The following ELK1 variants were observed in gnomAD, a reference collection of about 807,000 sequenced individuals.
The protein encoded by ELK1 is ETS domain-containing protein Elk-1.
For synonymous variants in ELK1, 163 were observed against 176.3 expected (o/e 0.92, Z 0.60); for missense variants, 254 against 381.5 (o/e 0.67, Z 2.78).
chrX:47,637,561 C>T (rs893656351), intron 5 of ELK1, among the ~76,000 whole-genome samples, 190 bp downstream of exon 5: 3 of 111,168 alleles, frequency 2.7e-5, no homozygotes, highest in African/African-American at 9.8e-5. Flanking sequence ...CACAAAAGTC[C>T]CCAGCCCTGC....
At chrX:47,645,327 A>G (rs1313734843) in intron 2 of ELK1, among the ~76,000 whole-genome samples, 1 of 111,830 alleles carries the variant, frequency 8.9e-6, no homozygotes, top group African/African-American at 3.3e-5. Flanking sequence ...TCCTCAAACC[A>G]CCGTTAAAGG....
intron 2 of ELK1, among the ~76,000 whole-genome samples, chrX:47,642,996 T>C (rs2058033326): frequency 8.9e-6 from 1 of 112,869 alleles, no homozygotes; most frequent in African/African-American, 3.2e-5. Flanking sequence ...AGAGGCAATA[T>C]GGCCTGCTGG....
intron 2 of ELK1, among the ~76,000 whole-genome samples, chrX:47,647,893 G>A (rs775020266): frequency 8.9e-6 from 1 of 112,408 alleles, no homozygotes; most frequent in Non-Finnish European, 1.9e-5. Context: ...GCCCTGCTGG[G>A]TGTGCAGCTT....
intron 3 of ELK1, among the ~76,000 whole-genome samples, chrX:47,640,925 T>C (rs372736383): frequency 1.8e-5 from 2 of 111,541 alleles, no homozygotes; most frequent in South Asian, 3.7e-4. Context: ...ATGTTGGCTA[T>C]AGGAATACGG....
intron 2 of ELK1, among the ~76,000 whole-genome samples, chrX:47,644,581 G>A (rs1392292392): frequency 1.8e-5 from 2 of 110,609 alleles, no homozygotes; most frequent in Admixed American, 9.7e-5. Flanking sequence ...GAGAGTAGTC[G>A]CCAAGGAGGG....
At chrX:47,646,703 G>C (rs977476484) in intron 2 of ELK1, among the ~76,000 whole-genome samples, 3 of 112,524 alleles carry the variant, frequency 2.7e-5, no homozygotes, top group African/African-American at 9.7e-5. Flanking sequence ...TATTTGAACA[G>C]AAAAGTGCCT....
chrX:47,639,084 G>C lies in ELK1; in HGVS notation c.465C>G (p.Arg155=), dbSNP rs139767774. The C allele has an allele frequency of 1.2e-4, 146 of 1,200,454 alleles. No homozygotes were observed. The highest frequency in any genetic ancestry group is 2.4e-4 in the Middle Eastern group (1 of 4,158). The change falls in exon 4 of 7, where the codon CGC becomes CGG. Residue 155 remains arginine (R), a synonymous_variant. Coordinates refer to ENST00000376983, the MANE Select transcript of ELK1 (RefSeq NM_001114123.3). ...LARSSRNEYM[R]SGLYSTFTIQ... Reference sequence around the variant, plus strand: ...TGGTGAAGGTGGAATAGAGGCCCGAGCGCATGTACTCGTTCCGGCTGCTGC... The same window carrying C: ...TGGTGAAGGTGGAATAGAGGCCCGACCGCATGTACTCGTTCCGGCTGCTGC...
At chrX:47,642,602 CT>C (rs1297945676) in intron 2 of ELK1, among the ~76,000 whole-genome samples, 5 of 89,351 alleles carry the variant, frequency 5.6e-5, no homozygotes, top group African/African-American at 8.2e-5. Flanking sequence ...TTTTTTTTTT[CT>C]TTTTTTTTGA....
intron 2 of ELK1, among the ~76,000 whole-genome samples, chrX:47,647,093 C>T (rs1485186191): frequency 9.0e-6 from 1 of 111,324 alleles, no homozygotes; most frequent in Non-Finnish European, 1.9e-5. Context: ...TATTTCTTCT[C>T]AGCATTTGTC....
chrX:47,638,698 T>G (rs1236864152), intron 4 of ELK1, among the ~76,000 whole-genome samples, 197 bp downstream of exon 4: 2 of 112,056 alleles, frequency 1.8e-5, no homozygotes. Flanking sequence ...TGTAGCACAG[T>G]ATTCTCCCCT....
intron 3 of ELK1, 83 bp downstream of exon 3, chrX:47,641,149 C>T: frequency 9.3e-7 from 1 of 1,079,293 alleles, no homozygotes; most frequent in Non-Finnish European, 1.3e-6. Flanking sequence ...CTTTCAAAGT[C>T]ATAGCTATGG....
chrX:47,637,653 A>C lies in ELK1; in HGVS notation c.1086+98T>G, dbSNP rs890364099. ...AAAGGCTCCACCCTCTTCAGGAACAACCACACTCACCCTCCTCTGATTCCT... is the reference window on the plus strand; with the variant it reads ...AAAGGCTCCACCCTCTTCAGGAACACCCACACTCACCCTCCTCTGATTCCT... On this transcript the variant is annotated intron_variant, in intron 5 of 6. Transcript: ENST00000376983. 3.9e-6 allele frequency: 4 copies of C among 1,017,863 alleles called. No homozygotes were observed. The African/African-American group carries it at 7.6e-5, about 19-fold the overall frequency. The allele number at this position is 1,017,863 out of a possible 1,213,427, so 83.9% of individuals were successfully genotyped here. A position where few individuals can be genotyped will look rare whatever the true frequency, so the allele number is the denominator to read the frequency against.
intron 5 of ELK1, among the ~76,000 whole-genome samples, 196 bp downstream of exon 5, chrX:47,637,555 A>G (rs766658629): frequency 2.3e-4 from 25 of 110,604 alleles, no homozygotes; most frequent in African/African-American, 7.6e-4. Context: ...CCCACCCACA[A>G]AAGTCCCCAG....
rs1251256386 is a variant in ELK1 at position 47,639,109 on chromosome X, C to T, written c.440G>A (p.Arg147His). 3.3e-6 allele frequency: 4 copies of T among 1,201,147 alleles called. No individual in the cohort carries two copies. Among genetic ancestry groups the T allele is most frequent in the African/African-American group, 1.7e-5 (1 of 57,743 alleles). The change falls in exon 4 of 7, where the codon CGC (arginine) becomes CAC (histidine). Residue 147 changes from arginine to histidine, a missense_variant. By Grantham distance (29) the Arg-to-His change is conservative. Transcript: ENST00000376983. Reference sequence around the variant, plus strand: ...GCGCATGTACTCGTTCCGGCTGCTGCGTGCCAAACCGCCTGGGCCTGCCAT... The same window carrying T: ...GCGCATGTACTCGTTCCGGCTGCTGTGTGCCAAACCGCCTGGGCCTGCCAT... ...AGMAGPGGLA[R>H]SSRNEYMRSG...
chrX:47,650,233 G>C (rs1476354483), intron 1 of ELK1, among the ~76,000 whole-genome samples, 190 bp downstream of exon 1: 1 of 111,169 alleles, frequency 9.0e-6, no homozygotes, highest in Non-Finnish European at 1.9e-5. Flanking sequence ...GGGAGGTTAG[G>C]CCACGGTCAG....
intron 3 of ELK1, among the ~76,000 whole-genome samples, chrX:47,639,686 AT>A (rs1255316024): frequency 9.0e-6 from 1 of 110,810 alleles, no homozygotes; most frequent in Non-Finnish European, 1.9e-5. Context: ...CGTCTATCTG[AT>A]TTTCCCACTC....
At chrX:47,638,334 A>C in intron 4 of ELK1, 152 bp from the exon 5 acceptor site, 1 of 736,096 alleles carries the variant, frequency 1.4e-6, no homozygotes, top group Admixed American at 3.1e-5. Context: ...AGGACATAGG[A>C]CTTCGTCAAG....
rs866250043 is a variant in ELK1, at chrX:47,638,921, C to A, written c.628G>T (p.Ala210Ser). The part of the protein sequence containing the change: ...SPSPLEACLE[A>S]EEAGLPLQVI... Reference sequence around the variant, plus strand: ...TGCAGAGGCAAGCCGGCCTCTTCAGCCTCCAGACAGGCCTCCAAGGGGCTT... The same window carrying A: ...TGCAGAGGCAAGCCGGCCTCTTCAGACTCCAGACAGGCCTCCAAGGGGCTT... The change falls in exon 4 of 7, where the codon GCT becomes TCT. Residue 210 changes from alanine (A) to serine (S), a missense_variant. Transcript: ENST00000376983. The A allele has an allele frequency of 1.1e-5, 13 of 1,204,077 alleles. No individual in the cohort carries two copies. The Admixed American group carries it at 2.9e-4, about 27-fold the overall frequency.
In ELK1 at chrX:47,647,164, T is replaced by G. The variant is rs1474833725; in HGVS notation, c.-35+2757A>C. 3.9e-5 allele frequency among the ~76,000 whole-genome samples: 4 copies of G among 102,393 alleles called. No homozygotes were observed. The East Asian group carries it at 1.2e-3, about 30-fold the overall frequency. 88.9% of individuals were successfully genotyped at this position (102,393 alleles called of 115,157 possible). ...TAGTCTGTCTCCCCAGCTTGGGTTT[T>G]TTTTTTTTTTTTTTTGAGACAGAGT... On this transcript the variant is annotated intron_variant, in intron 2 of 6. Transcript: ENST00000376983.
Sources: gnomAD v4.1 joint callset for allele counts (sites outside exome capture counted in the v4.1 genomes callset) on GRCh38, gnomAD v4.1.1 for gene constraint, MANE v1.5 for transcripts, NCBI Gene and HGNC (gene_info 2026-07-23, HGNC 2026-07-21) for gene names.